Variants in DYSF observed in about 807,000 individuals in gnomAD.
DYSF encodes dysferlin.
In DYSF, 212 loss-of-function variants were observed where a neutral mutation model predicts 274.9. That is an observed-to-expected ratio of 0.77 (90% CI 0.69 to 0.86). The LOEUF is 0.86. Ranked by LOEUF, DYSF falls within the 40% of genes least tolerant of loss-of-function variation. DYSF has a pLI of 0.00. For synonymous variants in DYSF, 1,091 were observed against 1,078.7 expected (o/e 1.01, Z -0.22); for missense variants, 2,666 against 2,783.2 (o/e 0.96, Z 0.95).
chr2:71,620,413 C>A (rs1170510458), intron 40 of DYSF, 134 bp from the exon 41 acceptor site: 1 of 965,386 alleles, frequency 1.0e-6, no homozygotes, highest in Non-Finnish European at 1.6e-6. Flanking sequence ...GCTTGTCCAA[C>A]TCCAAAGCAC....
chr2:71,678,999 G>A lies in DYSF; in HGVS notation c.5885-58G>A, dbSNP rs961880554. 3 of 1,526,606 alleles carry A rather than the reference G, an allele frequency of 2.0e-6. No homozygotes were observed. In the African/African-American group the frequency reaches 4.1e-5, roughly 21 times the overall value. 94.6% of individuals were successfully genotyped at this position (1,526,606 alleles called of 1,614,324 possible). ...TCCTGAACCTGCCCTGCCTAAGGGT[G>A]GCTACAGGCTGGCAGTGATCGAGAA... is the stretch of plus-strand genomic sequence containing the variant. On this transcript the variant is annotated intron_variant, in intron 52 of 55. Coordinates refer to ENST00000410020, the MANE Select transcript of DYSF (RefSeq NM_001130987.2).
At chr2:71,475,557 A>G (rs529335970) in intron 1 of DYSF, among the ~76,000 whole-genome samples, 1 of 152,214 alleles carries the variant, frequency 6.6e-6, no homozygotes, top group Non-Finnish European at 1.5e-5. Context: ...AGGAGAGACA[A>G]CCGTGCTGGG....
chr2:71,564,902 T>C (rs2091989390), intron 24 of DYSF, among the ~76,000 whole-genome samples: 1 of 152,188 alleles, frequency 6.6e-6, no homozygotes. Flanking sequence ...TCTAGGCTCA[T>C]GCGCGGACAT....
chr2:71,613,390 G>T lies in DYSF; in HGVS notation c.4444G>T (p.Glu1482Ter), dbSNP rs1574354515. 1 of 1,613,318 alleles carries T rather than the reference G, an allele frequency of 6.2e-7. No homozygotes were observed. Among genetic ancestry groups the T allele is most frequent in the Admixed American group, 1.7e-5 (1 of 59,952 alleles). ...CGTGCTCATCGACATTGATGACAAG[G>T]AGCCCCTCATCCCCATCCAGGTAGG... is the stretch of plus-strand genomic sequence containing the variant. Reference protein sequence around the residue: ...EDVLIDIDDKEPLIPIQLADG... With the variant: ...EDVLIDIDDK Residue 1482 changes from glutamate (E) to a stop codon, truncating the protein, a stop_gained, in exon 40 of 56, where the codon GAG becomes TAG. Coordinates refer to ENST00000410020, the MANE Select transcript of DYSF (RefSeq NM_001130987.2). LOFTEE classifies it high-confidence loss of function.
chr2:71,656,033 TCTTC>T, intron 42 of DYSF, 125 bp from the exon 43 acceptor site: 1 of 1,251,058 alleles, frequency 8.0e-7, no homozygotes, highest in Non-Finnish European at 1.2e-6. Flanking sequence ...TCTTCTTCTC[TCTTC>T]CTTCTCTCTC....
At chr2:71,627,436 G>A (rs2152904164) in intron 41 of DYSF, among the ~76,000 whole-genome samples, 1 of 152,140 alleles carries the variant, frequency 6.6e-6, no homozygotes, top group Non-Finnish European at 1.5e-5. Context: ...TGGTCTCTAT[G>A]GTCCAGAGAG....
chr2:71,612,874 G>A (rs1380653938), intron 39 of DYSF, 68 bp downstream of exon 39: 2 of 1,536,010 alleles, frequency 1.3e-6, no homozygotes, highest in East Asian at 4.6e-5. Flanking sequence ...ACCCTTCCTA[G>A]TTGAGATGCA....
At position 71,529,032 on chromosome 2, in the gene DYSF, C is replaced by G. The variant is rs369195784; in HGVS notation, c.1380+631C>G. On this transcript the variant is annotated intron_variant, in intron 14 of 55. Transcript: ENST00000410020. ...TCTCTGCAGAGAACTCCGTAGCTCTCCGAACCCTCCCTTCAACCCCAGGCC... is the reference window on the plus strand; with the variant it reads ...TCTCTGCAGAGAACTCCGTAGCTCTGCGAACCCTCCCTTCAACCCCAGGCC... Among the ~76,000 whole-genome samples the G allele has an allele frequency of 2.7e-3, 408 of 152,296 alleles. 2 individuals are homozygous for G. Among genetic ancestry groups the G allele is most frequent in the African/African-American group, 9.2e-3 (384 of 41,540 alleles).
At position 71,513,825 on chromosome 2, in the gene DYSF, AC is replaced by A; in HGVS notation, c.665del (p.Pro222LeufsTer37). The A allele has an allele frequency of 6.2e-7, 1 of 1,614,168 alleles. No homozygotes were observed. The highest frequency in any genetic ancestry group is 8.5e-7 in the Non-Finnish European group (1 of 1,180,016). On this transcript the variant is annotated frameshift_variant, in exon 7 of 56. Transcript: ENST00000410020. LOFTEE classifies it high-confidence loss of function. ...GGGCTCCCACCACCCCAAGGAAACT[AC>A]CTTCACGTCCTCCGCCCCACTACCC... ...PGAPTTPRKL[P>X]SRPPPHYPGI...
intron 22 of DYSF, among the ~76,000 whole-genome samples, chr2:71,556,506 G>A (rs2091353718): frequency 6.6e-6 from 1 of 152,184 alleles, no homozygotes; most frequent in African/African-American, 2.4e-5. Flanking sequence ...CCGGGGTGTG[G>A]AGGCCCAGCA....
In DYSF at chr2:71,606,904, G is replaced by T. The variant is rs184086223; in HGVS notation, c.3957+4099G>T. 4.6e-5 allele frequency among the ~76,000 whole-genome samples: 7 copies of T among 152,222 alleles called. No homozygotes were observed. In the East Asian group the frequency reaches 1.4e-3, roughly 29 times the overall value. On this transcript the variant is annotated intron_variant, in intron 36 of 55. Coordinates refer to ENST00000410020, the MANE Select transcript of DYSF (RefSeq NM_001130987.2). ...GCTAGGAAGGAGGACAGTGCGTGTT[G>T]GATTCATTCCTTTATCCTCCCATCC... is the stretch of plus-strand genomic sequence containing the variant.
intron 17 of DYSF, 48 bp downstream of exon 17, chr2:71,539,287 G>A (rs759916432): frequency 4.0e-6 from 6 of 1,518,512 alleles, no homozygotes; most frequent in Non-Finnish European, 4.6e-6. Context: ...GCTCTCCCCC[G>A]TACCCCCTCT....
intron 41 of DYSF, among the ~76,000 whole-genome samples, chr2:71,628,008 T>C (rs1295512347): frequency 1.3e-5 from 2 of 152,204 alleles, no homozygotes; most frequent in Non-Finnish European, 2.9e-5. Flanking sequence ...AGCAAATAGA[T>C]AGATTCTATT....
intron 2 of DYSF, among the ~76,000 whole-genome samples, 199 bp downstream of exon 2, chr2:71,481,137 A>G (rs1309847654): frequency 6.6e-6 from 1 of 152,128 alleles, no homozygotes; most frequent in African/African-American, 2.4e-5. Context: ...TACTAGGTAA[A>G]TGGAGGGGAG....
chr2:71,480,986 G>A (rs761724190), intron 2 of DYSF, 48 bp downstream of exon 2: 6 of 1,568,206 alleles, frequency 3.8e-6, no homozygotes, highest in Non-Finnish European at 3.5e-6. Flanking sequence ...CTGCAGTTGT[G>A]TCTGCAGGGA....
chr2:71,564,605 C>T (rs930627766), intron 24 of DYSF, among the ~76,000 whole-genome samples: 2 of 152,294 alleles, frequency 1.3e-5, no homozygotes, highest in South Asian at 2.1e-4. Flanking sequence ...CACACCAACC[C>T]GAGTGCCCTG....
At chr2:71,521,463 CT>C (rs1431241121) in intron 12 of DYSF, among the ~76,000 whole-genome samples, 1 of 152,180 alleles carries the variant, frequency 6.6e-6, no homozygotes. Context: ...GGGTTGGACG[CT>C]TTGTTTGTAG....
intron 5 of DYSF, among the ~76,000 whole-genome samples, chr2:71,512,498 G>T (rs2086201227): frequency 6.6e-6 from 1 of 152,214 alleles, no homozygotes; most frequent in African/African-American, 2.4e-5. Context: ...AGCAGACTAA[G>T]TTAGCTAAGT....
Position 71,563,969 on chromosome 2 carries a change from C to T in DYSF, c.2410-89C>T. The T allele has an allele frequency of 3.2e-6, 5 of 1,581,316 alleles. No homozygotes were observed. The East Asian group carries it at 6.7e-5, about 21-fold the overall frequency. On this transcript the variant is annotated intron_variant, in intron 23 of 55. Transcript: ENST00000410020. ...CTGGGAGAGGAGAGGCCTCTGTGGC[C>T]TCTGAGTCAGAGGTCAGCTCACGGT...
Sources: gnomAD v4.1 joint callset for allele counts (sites outside exome capture counted in the v4.1 genomes callset) on GRCh38, gnomAD v4.1.1 for gene constraint, MANE v1.5 for transcripts, NCBI Gene and HGNC (gene_info 2026-07-23, HGNC 2026-07-21) for gene names.